The following NKAIN3 variants were observed in gnomAD, a reference collection of about 807,000 sequenced individuals.
The protein encoded by NKAIN3 is sodium/potassium-transporting ATPase subunit beta-1-interacting protein 3.
NKAIN3 carries 25 observed loss-of-function variants against 30.2 expected under a neutral mutation model. The ratio of observed to expected loss-of-function variants is 0.83; its 90% CI spans 0.60 to 1.16. The LOEUF is 1.16. Ranked by LOEUF, NKAIN3 falls within the 50% of genes most tolerant of loss-of-function variation. The pLI, the probability that NKAIN3 is intolerant of heterozygous loss-of-function variation, is 0.00. For missense variants in NKAIN3, 225 were observed against 254.1 expected (o/e 0.89, Z 0.78); for synonymous variants, 91 against 89.6 (o/e 1.02, Z -0.09).
chr8:62,458,495 A>C (rs1805890548), intron 1 of NKAIN3, among the ~76,000 whole-genome samples: 1 of 152,182 alleles, frequency 6.6e-6, no homozygotes, highest in Non-Finnish European at 1.5e-5. Context: ...GTTGTTGGTA[A>C]TTTAGTACCA....
intron 1 of NKAIN3, among the ~76,000 whole-genome samples, chr8:62,262,096 G>A (rs1462926969): frequency 1.3e-5 from 2 of 152,042 alleles, no homozygotes; most frequent in African/African-American, 4.8e-5. Context: ...AATTATTTAA[G>A]CAAACAATTT....
chr8:62,318,782 G>C (rs1458570499), intron 1 of NKAIN3, among the ~76,000 whole-genome samples: 1 of 152,086 alleles, frequency 6.6e-6, no homozygotes, highest in Non-Finnish European at 1.5e-5. Flanking sequence ...AGGGATGTTG[G>C]TCTAAAATTC....
At chr8:62,734,652 C>G (rs1385426151) in intron 3 of NKAIN3, among the ~76,000 whole-genome samples, 1 of 151,942 alleles carries the variant, frequency 6.6e-6, no homozygotes, top group East Asian at 1.9e-4. Flanking sequence ...TAAGAAAAAC[C>G]AAGAGAGAAT....
intron 4 of NKAIN3, among the ~76,000 whole-genome samples, chr8:62,917,410 C>G (rs566877159): frequency 6.6e-6 from 1 of 152,222 alleles, no homozygotes; most frequent in East Asian, 1.9e-4. Flanking sequence ...GTAAGTCCTT[C>G]TCCTAAGACC....
chr8:62,439,224 A>T (rs1248352097), intron 1 of NKAIN3, among the ~76,000 whole-genome samples: 1 of 152,204 alleles, frequency 6.6e-6, no homozygotes, highest in East Asian at 1.9e-4. Context: ...CAAGGGTATG[A>T]GCCTGAGTCC....
intron 1 of NKAIN3, among the ~76,000 whole-genome samples, chr8:62,367,893 G>A (rs1478885785): frequency 1.3e-5 from 2 of 151,934 alleles, no homozygotes; most frequent in African/African-American, 4.8e-5. Flanking sequence ...AGGATATGAA[G>A]TCAGCATACA....
intron 3 of NKAIN3, among the ~76,000 whole-genome samples, chr8:62,615,636 G>A (rs1224744224): frequency 1.3e-5 from 2 of 152,144 alleles, no homozygotes; most frequent in Admixed American, 6.5e-5. Flanking sequence ...AGGTTTGCAG[G>A]CACTCAAATT....
chr8:62,883,944 T>C (rs1401004391), intron 4 of NKAIN3, among the ~76,000 whole-genome samples: 1 of 152,176 alleles, frequency 6.6e-6, no homozygotes, highest in East Asian at 1.9e-4. Context: ...TTTTGTCAAA[T>C]GCTTTCTGTG....
rs143207105 is a variant in NKAIN3 at position 62,346,008 on chromosome 8, G to A, written c.54+96881G>A. ...TCATATAACCTCACTCTTGTGTGGAGTATAAAGAAGTTGATCACATAGAAG... is the reference window on the plus strand; with the variant it reads ...TCATATAACCTCACTCTTGTGTGGAATATAAAGAAGTTGATCACATAGAAG... On this transcript the variant is annotated intron_variant, in intron 1 of 6. Coordinates refer to ENST00000623646, the MANE Select transcript of NKAIN3 (RefSeq NM_001304533.3). Among the ~76,000 whole-genome samples, 500 of 152,196 alleles carry A rather than the reference G, an allele frequency of 3.3e-3. 1 individual carries two copies. Among genetic ancestry groups the A allele is most frequent in the Non-Finnish European group, 5.4e-3 (367 of 67,964 alleles).
intron 1 of NKAIN3, among the ~76,000 whole-genome samples, chr8:62,355,263 C>A (rs1816311305): frequency 6.6e-6 from 1 of 152,296 alleles, no homozygotes; most frequent in South Asian, 2.1e-4. Flanking sequence ...GCGTAGATTC[C>A]TATTTTCTGG....
At chr8:62,554,861 C>T (rs753786560) in intron 1 of NKAIN3, among the ~76,000 whole-genome samples, 2 of 152,082 alleles carry the variant, frequency 1.3e-5, no homozygotes, top group East Asian at 3.8e-4. Flanking sequence ...CCCTGATAAC[C>T]ATCACTCACT....
intron 5 of NKAIN3, among the ~76,000 whole-genome samples, chr8:62,920,902 A>G (rs925253937): frequency 2.0e-5 from 3 of 152,194 alleles, no homozygotes; most frequent in African/African-American, 7.2e-5. Context: ...CAAATATTTG[A>G]TAGTTCTCAA....
exon 6 of NKAIN3, chr8:62,999,470 C>T (rs1804204755): frequency 6.6e-6 from 1 of 152,206 alleles, no homozygotes; most frequent in African/African-American, 2.4e-5. Flanking sequence ...ATGACACAAA[C>T]ACTGCTATCT....
At chr8:62,290,908 A>G (rs1813596714) in intron 1 of NKAIN3, among the ~76,000 whole-genome samples, 1 of 152,112 alleles carries the variant, frequency 6.6e-6, no homozygotes, top group African/African-American at 2.4e-5. Context: ...TATTGCCTCA[A>G]TTTCAGAACC....
chr8:62,694,888 C>G (rs1031930872), intron 3 of NKAIN3, among the ~76,000 whole-genome samples: 3 of 152,174 alleles, frequency 2.0e-5, no homozygotes, highest in African/African-American at 7.2e-5. Flanking sequence ...GTCAATCCTG[C>G]CTTTCTTAAC....
intron 3 of NKAIN3, among the ~76,000 whole-genome samples, chr8:62,669,289 C>T (rs189099213): frequency 4.5e-4 from 69 of 152,278 alleles, no homozygotes; most frequent in Middle Eastern, 3.4e-3. Context: ...GAAGGCTTTT[C>T]GTCCTCAATT....
chr8:62,290,432 A>G (rs760231902), intron 1 of NKAIN3, among the ~76,000 whole-genome samples: 2 of 152,120 alleles, frequency 1.3e-5, no homozygotes, highest in Non-Finnish European at 2.9e-5. Flanking sequence ...TACCTGATTT[A>G]TTGGTAGTTT....
chr8:62,761,675 A>T (rs1441456995), intron 4 of NKAIN3, among the ~76,000 whole-genome samples: 1 of 152,192 alleles, frequency 6.6e-6, no homozygotes, highest in Admixed American at 6.5e-5. Context: ...ATAATTGAGG[A>T]TTCCATTGCC....
chr8:62,272,885 G>C (rs1186083050), intron 1 of NKAIN3, among the ~76,000 whole-genome samples: 1 of 152,128 alleles, frequency 6.6e-6, no homozygotes. Flanking sequence ...TAAAACTTCA[G>C]ATCTTCACAT....
Sources: allele counts gnomAD v4.1 joint callset (sites outside exome capture counted in the v4.1 genomes callset), GRCh38; gene constraint gnomAD v4.1.1; transcripts MANE v1.5; gene names NCBI Gene and HGNC (gene_info 2026-07-23, HGNC 2026-07-21).